Variants in RNF150 observed in about 807,000 individuals in gnomAD.
RNF150 encodes ring finger protein 150.
In RNF150, 24 loss-of-function variants were observed where a neutral mutation model predicts 39.3. The observed-to-expected ratio is 0.61, with a 90% CI of 0.44 to 0.86. The LOEUF is 0.86. RNF150 is among the 40% of genes least tolerant of loss of function. The pLI, the probability that RNF150 is intolerant of heterozygous loss-of-function variation, is 0.00. For synonymous variants in RNF150, 255 were observed against 227.3 expected (o/e 1.12, Z -1.10); for missense variants, 502 against 587.8 (o/e 0.85, Z 1.51).
chr4:140,961,233 C>T (rs781217210), intron 2 of RNF150, among the ~76,000 whole-genome samples: 124 of 152,114 alleles, frequency 8.2e-4, no homozygotes, highest in Non-Finnish European at 1.5e-3. Context: ...GAACATTTAG[C>T]AAATATTACT....
intron 1 of RNF150, among the ~76,000 whole-genome samples, chr4:141,107,119 C>T (rs1045118268): frequency 2.0e-5 from 3 of 152,080 alleles, no homozygotes; most frequent in Non-Finnish European, 4.4e-5. Flanking sequence ...TAAAGGATGA[C>T]ATCAATTTAA....
At chr4:140,987,246 C>T (rs1215714468) in intron 1 of RNF150, among the ~76,000 whole-genome samples, 1 of 152,072 alleles carries the variant, frequency 6.6e-6, no homozygotes, top group Non-Finnish European at 1.5e-5. Flanking sequence ...CATCATTTTT[C>T]ACAGAATTAG....
At chr4:140,886,508 C>A (rs1003659437) in intron 6 of RNF150, among the ~76,000 whole-genome samples, 4 of 152,158 alleles carry the variant, frequency 2.6e-5, no homozygotes, top group Non-Finnish European at 4.4e-5. Flanking sequence ...AATGCAAATT[C>A]TTTATATGTT....
chr4:140,936,293 A>C (rs1731861638), intron 4 of RNF150, among the ~76,000 whole-genome samples: 3 of 152,188 alleles, frequency 2.0e-5, no homozygotes, highest in African/African-American at 7.2e-5. Context: ...TCTCAGGTAT[A>C]TATCCAAGAA....
chr4:140,955,395 C>A (rs1469813570), intron 2 of RNF150, among the ~76,000 whole-genome samples: 1 of 152,072 alleles, frequency 6.6e-6, no homozygotes, highest in East Asian at 1.9e-4. Context: ...AGTTAGAAGA[C>A]CCAGCTCTTT....
Position 141,006,228 on chromosome 4 carries a change from ATATGTG to A in RNF150, c.485-38361_485-38356del, listed in dbSNP as rs878892446. On this transcript the variant is annotated intron_variant, in intron 1 of 6. Coordinates refer to ENST00000515673, the MANE Select transcript of RNF150 (RefSeq NM_020724.2). ...TATACACACATATATATACACATAT[ATATGTG>A]TATGTATATATATACATACATATAT... Among the ~76,000 whole-genome samples the A allele has an allele frequency of 3.6e-4, 15 of 41,644 alleles. No homozygotes were observed. In the East Asian group the frequency reaches 6.0e-3, roughly 17 times the overall value. 27.3% of individuals were successfully genotyped at this position (41,644 alleles called of 152,430 possible).
At position 141,132,571 on chromosome 4, in the gene RNF150, G is replaced by A. The variant is rs1726925082; in HGVS notation, c.238C>T (p.His80Tyr). Residue 80 changes from histidine (H) to tyrosine (Y), a missense_variant, in exon 1 of 7, where the codon CAC becomes TAC. His to Tyr is a moderately conservative substitution (Grantham distance 83). Coordinates refer to ENST00000515673, the MANE Select transcript of RNF150 (RefSeq NM_020724.2). The surrounding 1 kb of genome is among the most constrained non-coding windows in gnomAD (Gnocchi z 4.9). ...EKTECGRYGE[H>Y]SPKQDARGEV... ...CCGCGGGCGTCCTGCTTGGGCGAGT[G>A]CTCTCCGTAGCGCCCGCACTCCGTC... 2 of 1,582,280 alleles carry A rather than the reference G, an allele frequency of 1.3e-6. No homozygotes were observed. Among genetic ancestry groups the A allele is most frequent in the African/African-American group, 1.3e-5 (1 of 74,164 alleles).
chr4:140,989,251 C>A (rs1734113991), intron 1 of RNF150, among the ~76,000 whole-genome samples: 1 of 152,034 alleles, frequency 6.6e-6, no homozygotes, highest in Admixed American at 6.6e-5. Context: ...TACAACAAGG[C>A]AGAATCTAAA....
intron 1 of RNF150, among the ~76,000 whole-genome samples, chr4:141,059,485 G>A (rs540782903): frequency 6.6e-6 from 1 of 152,162 alleles, no homozygotes; most frequent in South Asian, 2.1e-4. Context: ...GCTTGAATCA[G>A]AAGTTTGATG....
intron 2 of RNF150, among the ~76,000 whole-genome samples, chr4:140,959,927 A>G (rs1732949018): frequency 1.3e-5 from 2 of 152,124 alleles, no homozygotes; most frequent in African/African-American, 4.8e-5. Flanking sequence ...CCCTCTCCCC[A>G]AGTGAGCTCA....
At chr4:141,154,603 G>A (rs1727352396) in intron 1 of RNF150, among the ~76,000 whole-genome samples, 1 of 152,214 alleles carries the variant, frequency 6.6e-6, no homozygotes, top group South Asian at 2.1e-4. Flanking sequence ...TGTGTTTCTA[G>A]AGAGATAGAA....
At chr4:140,959,823 A>G (rs866170917) in intron 2 of RNF150, among the ~76,000 whole-genome samples, 2 of 152,066 alleles carry the variant, frequency 1.3e-5, no homozygotes, top group Admixed American at 6.6e-5. Flanking sequence ...AAAGAAACTA[A>G]CATAAAATGA....
chr4:140,907,145 C>T (rs980388753), intron 6 of RNF150, among the ~76,000 whole-genome samples: 3 of 152,138 alleles, frequency 2.0e-5, no homozygotes. Flanking sequence ...ACCCAACAAT[C>T]TGCATCCTGA....
At chr4:140,938,433 C>T (rs11929941) in intron 4 of RNF150, among the ~76,000 whole-genome samples, 2,461 of 152,138 alleles carry the variant, frequency 0.016, 71 homozygotes, top group African/African-American at 0.054. Flanking sequence ...GATTTTGCCT[C>T]GGTTGTCATT....
chr4:140,887,574 T>G (rs139151927), intron 6 of RNF150, among the ~76,000 whole-genome samples: 26 of 152,310 alleles, frequency 1.7e-4, no homozygotes, highest in African/African-American at 5.8e-4. Flanking sequence ...GGTCGACGCA[T>G]CAACATTTCA....
At chr4:141,051,111 C>T (rs1736760652) in intron 1 of RNF150, among the ~76,000 whole-genome samples, 1 of 152,210 alleles carries the variant, frequency 6.6e-6, no homozygotes, top group South Asian at 2.1e-4. Context: ...GGCTTGTACC[C>T]TCTGAAGCCA....
chr4:141,180,849 G>A (rs1727898106), intron 1 of RNF150, among the ~76,000 whole-genome samples: 1 of 152,066 alleles, frequency 6.6e-6, no homozygotes, highest in African/African-American at 2.4e-5. Context: ...CTCAGGTACT[G>A]CAATTCCTAG....
chr4:140,872,601 G>A (rs574452470), intron 6 of RNF150, among the ~76,000 whole-genome samples: 2 of 152,314 alleles, frequency 1.3e-5, no homozygotes, highest in South Asian at 4.1e-4. Context: ...TGCTAAAGGT[G>A]GAGATAAGGG....
chr4:141,031,233 T>C (rs1304370964), intron 1 of RNF150, among the ~76,000 whole-genome samples: 1 of 152,028 alleles, frequency 6.6e-6, no homozygotes, highest in South Asian at 2.1e-4. Flanking sequence ...TAGACCCTTA[T>C]CTCACACCAT....
Sources: allele counts gnomAD v4.1 joint callset (sites outside exome capture counted in the v4.1 genomes callset), GRCh38; gene constraint gnomAD v4.1.1; non-coding constraint Gnocchi (gnomAD v3.1); transcripts MANE v1.5; gene names NCBI Gene and HGNC (gene_info 2026-07-23, HGNC 2026-07-21).